The following EBF1 variants were observed in gnomAD, a reference collection of about 807,000 sequenced individuals.
EBF1 encodes EBF transcription factor 1, also known as transcription factor COE1.
In EBF1, 10 loss-of-function variants were observed where a neutral mutation model predicts 68.4. That is an observed-to-expected ratio of 0.15 (90% CI 0.09 to 0.25). The LOEUF is 0.25. Among genes scored for constraint, EBF1 ranks in the 10% least tolerant of loss-of-function variants. The pLI is 1.00. For missense variants in EBF1, 509 were observed against 794.4 expected (o/e 0.64, Z 4.32); for synonymous variants, 298 against 299.8 (o/e 0.99, Z 0.06).
At chr5:159,096,682 G>T (rs959143035) in intron 2 of EBF1, 9 of 604,820 alleles carry the variant, frequency 1.5e-5, no homozygotes, top group African/African-American at 1.1e-4. Context: ...AGAGGCAGGC[G>T]GTGCGTAATC....
At chr5:158,815,221 A>G (rs1783477761) in intron 8 of EBF1, among the ~76,000 whole-genome samples, 1 of 152,080 alleles carries the variant, frequency 6.6e-6, no homozygotes, top group African/African-American at 2.4e-5. Flanking sequence ...CCTCTTTACA[A>G]CAGGGTACTT....
At chr5:159,018,498 T>C (rs757713638) in intron 6 of EBF1, among the ~76,000 whole-genome samples, 1 of 152,236 alleles carries the variant, frequency 6.6e-6, no homozygotes, top group East Asian at 1.9e-4. Flanking sequence ...AGTGAGTGTA[T>C]GAAGAACATT....
chr5:158,783,902 A>G (rs905492369), intron 9 of EBF1, among the ~76,000 whole-genome samples: 2 of 152,202 alleles, frequency 1.3e-5, no homozygotes, highest in African/African-American at 4.8e-5. Context: ...GGAAGAGGAC[A>G]ATCTTCTACA....
intron 6 of EBF1, among the ~76,000 whole-genome samples, chr5:158,881,051 G>C (rs2128088608): frequency 6.6e-6 from 1 of 152,308 alleles, no homozygotes; most frequent in East Asian, 1.9e-4. Flanking sequence ...GGAAGGTTCA[G>C]AACAGTCACA....
At chr5:158,814,625 C>A (rs1163264107) in intron 8 of EBF1, among the ~76,000 whole-genome samples, 1 of 152,174 alleles carries the variant, frequency 6.6e-6, no homozygotes, top group Non-Finnish European at 1.5e-5. Context: ...GGTTTACAAA[C>A]TCTTCAGTAT....
intron 7 of EBF1, among the ~76,000 whole-genome samples, chr5:158,834,031 C>A (rs1425437593): frequency 6.6e-6 from 1 of 152,024 alleles, no homozygotes; most frequent in Non-Finnish European, 1.5e-5. Flanking sequence ...GATTTATAGC[C>A]AATGGAAAAA....
intron 11 of EBF1, among the ~76,000 whole-genome samples, chr5:158,718,034 A>G (rs901346204): frequency 1.3e-5 from 2 of 152,180 alleles, no homozygotes; most frequent in African/African-American, 4.8e-5. Context: ...TGTAGCTGGC[A>G]TGGGTTTTAC....
intron 6 of EBF1, among the ~76,000 whole-genome samples, chr5:158,871,619 G>A (rs1344313631): frequency 2.0e-5 from 3 of 152,138 alleles, no homozygotes; most frequent in African/African-American, 4.8e-5. Flanking sequence ...CCTGGCCAAG[G>A]ATCTGAAGTC....
At chr5:158,823,061 CAA>C in intron 8 of EBF1, 113 bp downstream of exon 8, 2 of 1,469,298 alleles carry the variant, frequency 1.4e-6, no homozygotes, top group Admixed American at 1.8e-5. Context: ...CAATCTTATT[CAA>C]AAAGACTTTT....
intron 6 of EBF1, among the ~76,000 whole-genome samples, chr5:158,893,606 C>T (rs1454261792): frequency 2.0e-5 from 3 of 152,160 alleles, no homozygotes; most frequent in Non-Finnish European, 4.4e-5. Context: ...AGAATCTGCT[C>T]ACTTAATCCT....
chr5:158,941,068 C>T (rs983122957), intron 6 of EBF1: 1 of 371,610 alleles, frequency 2.7e-6, no homozygotes, highest in African/African-American at 2.1e-5. Context: ...AAAGACAAAA[C>T]TGAAAACAAT....
At chr5:159,010,194 T>C (rs1439290302) in intron 6 of EBF1, among the ~76,000 whole-genome samples, 1 of 152,162 alleles carries the variant, frequency 6.6e-6, no homozygotes, top group Non-Finnish European at 1.5e-5. Context: ...CCAAAAAAAG[T>C]CACGATATCC....
chr5:158,956,387 C>T (rs540681655), intron 6 of EBF1, among the ~76,000 whole-genome samples: 1 of 152,044 alleles, frequency 6.6e-6, no homozygotes, highest in East Asian at 1.9e-4. Context: ...AAAAGAAGTT[C>T]AAGAGGGTTT....
intron 8 of EBF1, among the ~76,000 whole-genome samples, chr5:158,806,026 T>A (rs1459568274): frequency 6.6e-6 from 1 of 151,792 alleles, no homozygotes; most frequent in African/African-American, 2.4e-5. Flanking sequence ...TAAACTGGAG[T>A]GAAAAAAGCA....
At chr5:158,798,871 T>C (rs1162068354) in intron 8 of EBF1, among the ~76,000 whole-genome samples, 1 of 152,004 alleles carries the variant, frequency 6.6e-6, no homozygotes, top group African/African-American at 2.4e-5. Flanking sequence ...CACCCCTCAG[T>C]CCCTCCTACC....
intron 11 of EBF1, among the ~76,000 whole-genome samples, chr5:158,726,654 AG>A (rs1763051081): frequency 6.6e-6 from 1 of 152,226 alleles, no homozygotes; most frequent in Admixed American, 6.5e-5. Context: ...GGCCCTGAGA[AG>A]GTCCCCAGGC....
rs567150853 is a variant in EBF1 at position 158,716,851 on chromosome 5, G to A, written c.1126-2669C>T. Among the ~76,000 whole-genome samples the A allele has an allele frequency of 1.6e-4, 24 of 152,264 alleles. 1 individual carries two copies. The South Asian group carries it at 4.8e-3, about 30-fold the overall frequency. On this transcript the variant is annotated intron_variant, in intron 11 of 15. Transcript: ENST00000313708. ...CACACAGACAGAACATGACGAGCAG[G>A]TCAGGAAAGCAATAAAGATTTTACA...
At chr5:159,052,001 GAC>G (rs1773840385) in intron 6 of EBF1, among the ~76,000 whole-genome samples, 2 of 43,960 alleles carry the variant, frequency 4.5e-5, no homozygotes, top group Non-Finnish European at 4.2e-5. Context: ...AGGCTCATAA[GAC>G]ACACGCAAAA....
chr5:158,751,588 C>T (rs1768915850), intron 10 of EBF1, among the ~76,000 whole-genome samples: 1 of 152,066 alleles, frequency 6.6e-6, no homozygotes, highest in East Asian at 1.9e-4. Context: ...ACGGTCTGGC[C>T]AGGTTCCTCC....
Sources: gnomAD v4.1 joint callset for allele counts (sites outside exome capture counted in the v4.1 genomes callset) on GRCh38, gnomAD v4.1.1 for gene constraint, MANE v1.5 for transcripts, NCBI Gene and HGNC (gene_info 2026-07-23, HGNC 2026-07-21) for gene names.